The following LPIN1 variants were observed in gnomAD, a reference collection of about 807,000 sequenced individuals.
The protein encoded by LPIN1 is phosphatidate phosphatase LPIN1.
In LPIN1, 71 loss-of-function variants were observed where a neutral mutation model predicts 107.5. That is an observed-to-expected ratio of 0.66 (90% CI 0.55 to 0.80). The LOEUF (loss-of-function observed/expected upper bound fraction) is 0.80. Ranked by LOEUF, LPIN1 falls within the 30% of genes least tolerant of loss-of-function variation. LPIN1 has a pLI of 0.00. For missense variants in LPIN1, 1,043 were observed against 1,160.6 expected (o/e 0.90, Z 1.47); for synonymous variants, 445 against 452.6 (o/e 0.98, Z 0.21).
chr2:11,746,565 T>G, upstream of LPIN1: 4 of 552,336 alleles, frequency 7.2e-6, no homozygotes, highest in Non-Finnish European at 9.2e-6. Flanking sequence ...GCCCCGCCCC[T>G]GCCCTCTGCC....
chr2:11,705,743 T>C (rs1399824098), intron 1 of LPIN1, among the ~76,000 whole-genome samples: 1 of 152,230 alleles, frequency 6.6e-6, no homozygotes, highest in Non-Finnish European at 1.5e-5. Context: ...GTGAAAACTG[T>C]TCACCAAGTT....
At chr2:11,787,040 G>T in intron 10 of LPIN1, 34 bp from the exon 11 acceptor site, 1 of 1,489,190 alleles carries the variant, frequency 6.7e-7, no homozygotes, top group Non-Finnish European at 9.4e-7. Context: ...TTTTCTTTTT[G>T]TTTTTCCCTG....
chr2:11,767,733 A>G (rs1239914424), intron 2 of LPIN1, 30 bp from the exon 3 acceptor site: 1 of 1,453,938 alleles, frequency 6.9e-7, no homozygotes, highest in Admixed American at 1.7e-5. Flanking sequence ...AAGGCAGTTC[A>G]TTCTTTTCTT....
intron 1 of LPIN1, among the ~76,000 whole-genome samples, chr2:11,751,801 G>A (rs1163751948): frequency 1.3e-5 from 2 of 152,174 alleles, no homozygotes; most frequent in African/African-American, 2.4e-5. Context: ...GCAGTGAGCC[G>A]AGATTGCGCC....
intron 1 of LPIN1, among the ~76,000 whole-genome samples, chr2:11,760,354 G>C (rs371467301): frequency 2.9e-4 from 44 of 152,290 alleles, no homozygotes; most frequent in African/African-American, 1.0e-3. Flanking sequence ...AGGTTGTAGC[G>C]AGCCGAGATC....
intron 12 of LPIN1, among the ~76,000 whole-genome samples, chr2:11,789,660 C>A (rs1330756169): frequency 6.6e-6 from 1 of 152,148 alleles, no homozygotes; most frequent in Non-Finnish European, 1.5e-5. Context: ...GTGGACTGGG[C>A]TGAGGGCATG....
In LPIN1 at chr2:11,772,373, A is replaced by G. The variant is rs553270389; in HGVS notation, c.596+694A>G. ...ATTTGCTGTGCTGTAGCCAAGAGACAGTTGGTGATGCCAAACCTCCTTGGC... is the reference window on the plus strand; with the variant it reads ...ATTTGCTGTGCTGTAGCCAAGAGACGGTTGGTGATGCCAAACCTCCTTGGC... On this transcript the variant is annotated intron_variant, in intron 4 of 20. Transcript: ENST00000674199. Among the ~76,000 whole-genome samples, 27 of 152,368 alleles carry G rather than the reference A, an allele frequency of 1.8e-4. No homozygotes were observed. The South Asian group carries it at 5.6e-3, about 32-fold the overall frequency.
At chr2:11,812,369 T>A (rs892991156) in intron 17 of LPIN1, among the ~76,000 whole-genome samples, 2 of 151,172 alleles carry the variant, frequency 1.3e-5, no homozygotes, top group Non-Finnish European at 2.9e-5. Context: ...TAGTGATCAG[T>A]GCTAGGAGGA....
At chr2:11,769,330 CT>C (rs1553425586) in intron 3 of LPIN1, among the ~76,000 whole-genome samples, 2 of 152,122 alleles carry the variant, frequency 1.3e-5, no homozygotes, top group Non-Finnish European at 2.9e-5. Context: ...TATCTGACAT[CT>C]TTTTATGTGC....
intron 1 of LPIN1, among the ~76,000 whole-genome samples, chr2:11,710,885 C>T (rs1356472568): frequency 1.3e-5 from 2 of 151,914 alleles, no homozygotes; most frequent in Admixed American, 6.6e-5. Flanking sequence ...GCAGAATGAG[C>T]CTATTTTCTA....
intron 1 of LPIN1, among the ~76,000 whole-genome samples, chr2:11,751,679 C>T (rs907770244): frequency 2.6e-5 from 4 of 152,142 alleles, no homozygotes; most frequent in South Asian, 4.1e-4. Context: ...GGTGAAACCC[C>T]GTCTCTACTA....
chr2:11,748,540 C>T (rs185647612), intron 1 of LPIN1, among the ~76,000 whole-genome samples: 2 of 152,292 alleles, frequency 1.3e-5, no homozygotes, highest in East Asian at 1.9e-4. Flanking sequence ...ATGGGGTCCA[C>T]GAATCATTGT....
intron 3 of LPIN1, 29 bp downstream of exon 3, chr2:11,767,887 T>C (rs750245316): frequency 4.3e-6 from 6 of 1,409,658 alleles, no homozygotes; most frequent in Non-Finnish European, 6.0e-6. Flanking sequence ...TCAGGGTTAC[T>C]TCCTAGTTTT....
intron 12 of LPIN1, among the ~76,000 whole-genome samples, chr2:11,791,551 A>G (rs1210473761): frequency 6.6e-6 from 1 of 152,236 alleles, no homozygotes; most frequent in Non-Finnish European, 1.5e-5. Context: ...GATAATCATC[A>G]TATTGAGAGT....
At chr2:11,784,479 A>G (rs1211040981) in intron 9 of LPIN1, among the ~76,000 whole-genome samples, 2 of 152,118 alleles carry the variant, frequency 1.3e-5, no homozygotes, top group African/African-American at 2.4e-5. Flanking sequence ...TGTTGTCCAC[A>G]GTGGTCGTGG....
intron 1 of LPIN1, among the ~76,000 whole-genome samples, chr2:11,753,811 G>A (rs369687059): frequency 6.6e-6 from 1 of 152,194 alleles, no homozygotes; most frequent in Admixed American, 6.5e-5. Flanking sequence ...AGTCTTATTA[G>A]TCATGATACC....
At chr2:11,779,487 C>T (rs1171578886) in intron 6 of LPIN1, 32 bp from the exon 7 acceptor site, 1 of 1,611,096 alleles carries the variant, frequency 6.2e-7, no homozygotes, top group Non-Finnish European at 8.5e-7. Flanking sequence ...TTTCTTTTCC[C>T]ACCTTAATTT....
exon 1 of LPIN1, chr2:11,724,499 A>G (rs1664400320): frequency 2.0e-6 from 2 of 985,786 alleles, no homozygotes; most frequent in Middle Eastern, 1.0e-3. Flanking sequence ...GCTGAGAACT[A>G]GAAAATCAGA....
intron 14 of LPIN1, among the ~76,000 whole-genome samples, chr2:11,796,371 G>A (rs1676716346): frequency 6.6e-6 from 1 of 152,154 alleles, no homozygotes; most frequent in South Asian, 2.1e-4. Context: ...CCATTCCTCT[G>A]AATCCCGGCC....
Sources: allele counts gnomAD v4.1 joint callset (sites outside exome capture counted in the v4.1 genomes callset), GRCh38; gene constraint gnomAD v4.1.1; transcripts MANE v1.5; gene names NCBI Gene and HGNC (gene_info 2026-07-23, HGNC 2026-07-21).